Variants in IKZF2 observed in about 807,000 individuals in gnomAD.
The protein encoded by IKZF2 is zinc finger protein Helios.
In IKZF2, 15 loss-of-function variants were observed where a neutral mutation model predicts 49.2. The observed-to-expected ratio is 0.30, with a 90% CI of 0.20 to 0.47. The LOEUF (loss-of-function observed/expected upper bound fraction) is 0.47. IKZF2 is among the 20% of genes least tolerant of loss of function. IKZF2 has a pLI of 1.00. For synonymous variants in IKZF2, 227 were observed against 221.4 expected, an observed-to-expected ratio of 1.03 and a Z score of -0.23; for missense variants, 567 against 664.6, an observed-to-expected ratio of 0.85 and a Z score of 1.61.
intron 6 of IKZF2, among the ~76,000 whole-genome samples, chr2:213,046,094 C>T (rs1700130691): frequency 1.3e-5 from 2 of 152,122 alleles, no homozygotes; most frequent in African/African-American, 4.8e-5. Flanking sequence ...CTAACAATAA[C>T]TAATCTCCAT....
chr2:213,098,026 C>CA (rs781769904), intron 4 of IKZF2: 3 of 240,742 alleles, frequency 1.2e-5, no homozygotes, highest in South Asian at 4.7e-5. Flanking sequence ...TAATCAATCT[C>CA]AAAAAAGTCA....
intron 4 of IKZF2, among the ~76,000 whole-genome samples, chr2:213,083,440 G>A (rs1704201559): frequency 6.9e-6 from 1 of 144,990 alleles, no homozygotes; most frequent in Non-Finnish European, 1.5e-5. Context: ...GCCCAGGCTG[G>A]AGTGCAATGG....
At position 213,007,591 on chromosome 2, in the gene IKZF2, A is replaced by C; in HGVS notation, c.1350T>G (p.Pro450=). The C allele has an allele frequency of 6.2e-7, 1 of 1,613,722 alleles. No individual in the cohort carries two copies. The highest frequency in any genetic ancestry group is 8.5e-7 in the Non-Finnish European group (1 of 1,179,734). The change falls in exon 9 of 9, where the codon CCT becomes CCG. Residue 450 remains proline (P), a synonymous_variant. Coordinates refer to ENST00000434687, the MANE Select transcript of IKZF2 (RefSeq NM_001387220.1). The part of the protein sequence containing the change: ...DVKALDTTKA[P]KGSLKDIYKV... The stretch of plus-strand genomic sequence containing the variant: ...TGTAGATGTCCTTCAGAGAGCCCTT[A>C]GGAGCCTTGGTAGTATCCAAAGCTT...
At chr2:213,077,033 C>T (rs936280111) in intron 4 of IKZF2, among the ~76,000 whole-genome samples, 1 of 152,156 alleles carries the variant, frequency 6.6e-6, no homozygotes, top group Non-Finnish European at 1.5e-5. Flanking sequence ...CACACAGGTA[C>T]AAGTTTACCA....
At position 213,046,783 on chromosome 2, in the gene IKZF2, G is replaced by A. The variant is rs990826063; in HGVS notation, c.574+2930C>T. Among the ~76,000 whole-genome samples the A allele has an allele frequency of 5.3e-5, 8 of 152,242 alleles. 1 individual carries two copies. In the South Asian group the frequency reaches 1.7e-3, roughly 32 times the overall value. The stretch of plus-strand genomic sequence containing the variant: ...TTCTCTCCAGAGGGCATTCACTGTA[G>A]TGAAGGCTGTTAGTAATCTGAAGGG... On this transcript the variant is annotated intron_variant, in intron 6 of 8. Coordinates refer to ENST00000434687, the MANE Select transcript of IKZF2 (RefSeq NM_001387220.1).
intron 6 of IKZF2, among the ~76,000 whole-genome samples, chr2:213,034,546 AG>A (rs1410750042): frequency 6.6e-6 from 1 of 152,196 alleles, no homozygotes; most frequent in Non-Finnish European, 1.5e-5. Flanking sequence ...AGGCCAGGTG[AG>A]GGACAGAGGG....
At chr2:213,126,163 G>C (rs2060252477) in intron 4 of IKZF2, among the ~76,000 whole-genome samples, 1 of 152,128 alleles carries the variant, frequency 6.6e-6, no homozygotes, top group Non-Finnish European at 1.5e-5. Flanking sequence ...TCCCCTGTGG[G>C]ATGAAGTTTA....
chr2:213,100,529 G>C (rs947030727), intron 4 of IKZF2, among the ~76,000 whole-genome samples: 1 of 151,872 alleles, frequency 6.6e-6, no homozygotes, highest in Non-Finnish European at 1.5e-5. Flanking sequence ...CTTGGTGAAA[G>C]CCACGTATTT....
At chr2:213,083,108 G>A (rs1266056005) in intron 4 of IKZF2, among the ~76,000 whole-genome samples, 1 of 152,076 alleles carries the variant, frequency 6.6e-6, no homozygotes, top group East Asian at 1.9e-4. Context: ...AAAAACTATA[G>A]CCAGAAAGTA....
chr2:213,097,658 A>T (rs1393135507), intron 4 of IKZF2, among the ~76,000 whole-genome samples: 1 of 152,170 alleles, frequency 6.6e-6, no homozygotes, highest in Non-Finnish European at 1.5e-5. Flanking sequence ...ATATATAAGC[A>T]GAAATTGTGA....
At chr2:213,054,062 G>A (rs564136052) in intron 5 of IKZF2, among the ~76,000 whole-genome samples, 15 of 152,178 alleles carry the variant, frequency 9.9e-5, no homozygotes, top group Admixed American at 8.5e-4. Context: ...AGACCAACAT[G>A]GTGAAACCCT....
intron 4 of IKZF2, among the ~76,000 whole-genome samples, chr2:213,119,968 T>G (rs1352687254): frequency 6.6e-6 from 1 of 152,236 alleles, no homozygotes; most frequent in Admixed American, 6.5e-5. Flanking sequence ...GCAGACTACA[T>G]GTTATGTGAG....
chr2:213,150,631 C>G (rs984875341), intron 1 of IKZF2, among the ~76,000 whole-genome samples: 4 of 134,768 alleles, frequency 3.0e-5, no homozygotes, highest in Non-Finnish European at 6.1e-5. Flanking sequence ...ATGCGATTAA[C>G]AAGAGAAAAA....
At chr2:213,103,082 G>C (rs970984203) in intron 4 of IKZF2, among the ~76,000 whole-genome samples, 2 of 152,034 alleles carry the variant, frequency 1.3e-5, no homozygotes, top group African/African-American at 2.4e-5. Context: ...ACCGTAGAGG[G>C]GGCTTAAATA....
chr2:213,046,250 T>A (rs1700148633), intron 6 of IKZF2, among the ~76,000 whole-genome samples: 1 of 152,144 alleles, frequency 6.6e-6, no homozygotes, highest in Non-Finnish European at 1.5e-5. Flanking sequence ...CACAACAGCA[T>A]TTCCTTGGTA....
At chr2:213,118,006 A>T (rs753370573) in intron 4 of IKZF2, among the ~76,000 whole-genome samples, 1 of 152,130 alleles carries the variant, frequency 6.6e-6, no homozygotes, top group Non-Finnish European at 1.5e-5. Context: ...TCTTATAACC[A>T]CTACCATAAT....
rs367719280 is a variant in IKZF2 at position 213,040,090 on chromosome 2, T to A, written c.574+9623A>T. Among the ~76,000 whole-genome samples, 140 of 152,256 alleles carry A rather than the reference T, an allele frequency of 9.2e-4. 5 individuals are homozygous for A. The South Asian group carries it at 0.027, about 30-fold the overall frequency. On this transcript the variant is annotated intron_variant, in intron 6 of 8. Coordinates refer to ENST00000434687, the MANE Select transcript of IKZF2 (RefSeq NM_001387220.1). ...GAGCAATACATAATTTTCATAGTAA[T>A]CTGAACCAGTATAATTCTTAGCCAA...
chr2:213,048,436 A>G (rs1413307459), intron 6 of IKZF2, among the ~76,000 whole-genome samples: 2 of 152,096 alleles, frequency 1.3e-5, no homozygotes, highest in Non-Finnish European at 2.9e-5. Flanking sequence ...TGGACAACTC[A>G]ATAATAATTT....
chr2:213,106,650 A>AAAAAAAAG (rs1553588730), intron 4 of IKZF2, among the ~76,000 whole-genome samples: 5 of 151,714 alleles, frequency 3.3e-5, no homozygotes, highest in Non-Finnish European at 7.4e-5. Flanking sequence ...TCTAAAAAAA[A>AAAAAAAAG]AAAAAAGAAA....
Sources: allele counts gnomAD v4.1 joint callset (sites outside exome capture counted in the v4.1 genomes callset), GRCh38; gene constraint gnomAD v4.1.1; transcripts MANE v1.5; gene names NCBI Gene and HGNC (gene_info 2026-07-23, HGNC 2026-07-21).